Variants in NDUFAF2 observed in about 807,000 individuals in gnomAD.
NDUFAF2 encodes the protein NADH dehydrogenase [ubiquinone] 1 alpha subcomplex assembly factor 2.
Under a neutral mutation model 22.8 loss-of-function variants are expected in NDUFAF2, and 13 were observed. The ratio of observed to expected loss-of-function variants is 0.57; its 90% confidence interval spans 0.37 to 0.91. The LOEUF (loss-of-function observed/expected upper bound fraction) is 0.91, where lower values mean the gene tolerates loss of function less well. NDUFAF2 is among the 40% of genes least tolerant of loss of function. The probability of loss-of-function intolerance (pLI) is 0.01; values close to 1 mark genes in which losing one functional copy is unlikely to be tolerated. For synonymous variants in NDUFAF2, 53 were observed against 64.2 expected (o/e 0.83, Z 0.84); for missense variants, 162 against 195.2 (o/e 0.83, Z 1.01).
rs190930000 is a variant in NDUFAF2, at chr5:61,016,046, C to T, written c.128-57079C>T. ...ACAAAAAATACAAAAATTAGCTGGG[C>T]GTGGTGGTGCACGCCTTCAATCCCA... On this transcript the variant is annotated intron_variant, in intron 1 of 3. Transcript: ENST00000296597. 7.2e-3 allele frequency among the ~76,000 whole-genome samples: 1,099 copies of T among 152,002 alleles called. 10 individuals are homozygous for T. Among genetic ancestry groups the T allele is most frequent in the African/African-American group, 0.025 (1,056 of 41,464 alleles).
At chr5:61,008,889 G>A (rs1751407438) in intron 1 of NDUFAF2, among the ~76,000 whole-genome samples, 1 of 151,970 alleles carries the variant, frequency 6.6e-6, no homozygotes, top group Admixed American at 6.6e-5. Flanking sequence ...GGCTTTTTAT[G>A]AACTAACCGC....
chr5:61,004,871 A>G (rs532422746), intron 1 of NDUFAF2, among the ~76,000 whole-genome samples: 1 of 152,214 alleles, frequency 6.6e-6, no homozygotes, highest in East Asian at 1.9e-4. Context: ...ACTAAATCCT[A>G]TATGGCTATA....
chr5:61,101,857 T>C (rs967731052), intron 3 of NDUFAF2, among the ~76,000 whole-genome samples: 6 of 152,122 alleles, frequency 3.9e-5, no homozygotes, highest in African/African-American at 1.4e-4. Flanking sequence ...GAAGTATCTG[T>C]TCATGGATTG....
intron 1 of NDUFAF2, 143 bp downstream of exon 1, chr5:60,945,525 C>T: frequency 8.2e-7 from 1 of 1,214,576 alleles, no homozygotes; most frequent in Non-Finnish European, 1.2e-6. Flanking sequence ...TTCGTTCTCC[C>T]CTGTCGACCC....
chr5:61,010,079 C>G (rs998400496), intron 1 of NDUFAF2, among the ~76,000 whole-genome samples: 3 of 152,076 alleles, frequency 2.0e-5, no homozygotes, highest in African/African-American at 7.2e-5. Flanking sequence ...TCTCTATCCT[C>G]AGTACCTCTA....
intron 1 of NDUFAF2, among the ~76,000 whole-genome samples, chr5:61,041,448 A>G (rs1322542929): frequency 1.3e-5 from 2 of 152,108 alleles, no homozygotes; most frequent in East Asian, 3.8e-4. Context: ...TTAATACACA[A>G]AGATTCCCAG....
chr5:61,042,280 A>G (rs144850919), intron 1 of NDUFAF2, among the ~76,000 whole-genome samples: 83 of 152,270 alleles, frequency 5.5e-4, no homozygotes, highest in African/African-American at 1.9e-3. Context: ...ATTATGGTAC[A>G]TTTACACAAT....
At chr5:61,148,160 A>C (rs757559969) in intron 3 of NDUFAF2, among the ~76,000 whole-genome samples, 17 of 152,144 alleles carry the variant, frequency 1.1e-4, no homozygotes, top group Non-Finnish European at 1.3e-4. Flanking sequence ...AACCATCTCT[A>C]TCTCTCCATA....
At chr5:61,052,602 G>A (rs1447899515) in intron 1 of NDUFAF2, among the ~76,000 whole-genome samples, 30 of 152,140 alleles carry the variant, frequency 2.0e-4, no homozygotes, top group Non-Finnish European at 2.9e-5. Context: ...GAACCACTGC[G>A]ACTGGCATAT....
At chr5:60,945,566 C>T in intron 1 of NDUFAF2, 184 bp downstream of exon 1, 2 of 935,668 alleles carry the variant, frequency 2.1e-6, no homozygotes, top group Admixed American at 4.1e-5. Flanking sequence ...CCTACCCGGC[C>T]CGGCTCTGGG....
At chr5:61,148,016 C>G (rs573730454) in intron 3 of NDUFAF2, among the ~76,000 whole-genome samples, 6 of 152,168 alleles carry the variant, frequency 3.9e-5, no homozygotes, top group African/African-American at 1.4e-4. Flanking sequence ...AGTTTCACCG[C>G]GCACATGGAC....
At chr5:60,992,205 T>C (rs1751167813) in intron 1 of NDUFAF2, among the ~76,000 whole-genome samples, 1 of 152,230 alleles carries the variant, frequency 6.6e-6, no homozygotes, top group South Asian at 2.1e-4. Context: ...TAATCCCTTG[T>C]CAGATGGGTA....
chr5:61,107,594 G>A (rs1752783144), intron 3 of NDUFAF2, among the ~76,000 whole-genome samples: 2 of 151,136 alleles, frequency 1.3e-5, no homozygotes, highest in East Asian at 1.9e-4. Context: ...AACTTGATGT[G>A]ACCCCATTTG....
intron 1 of NDUFAF2, among the ~76,000 whole-genome samples, chr5:61,012,929 A>C (rs1002600888): frequency 5.9e-5 from 9 of 152,090 alleles, no homozygotes; most frequent in Admixed American, 4.6e-4. Flanking sequence ...TTTTCAATTA[A>C]TTGTTTTGAA....
At chr5:61,151,162 AT>A (rs1337228730) in intron 3 of NDUFAF2, among the ~76,000 whole-genome samples, 1 of 152,212 alleles carries the variant, frequency 6.6e-6, no homozygotes, top group African/African-American at 2.4e-5. Context: ...ACAAACTATT[AT>A]TTTAAATGTT....
chr5:61,107,665 C>CTATTATTAT (rs56936586), intron 3 of NDUFAF2, among the ~76,000 whole-genome samples: 11 of 148,836 alleles, frequency 7.4e-5, no homozygotes, highest in South Asian at 4.2e-4. Context: ...ATTATGATTA[C>CTATTATTAT]TATTATTATT....
intron 3 of NDUFAF2, among the ~76,000 whole-genome samples, chr5:61,110,665 T>C (rs1448745316): frequency 1.3e-5 from 2 of 152,058 alleles, no homozygotes; most frequent in Non-Finnish European, 2.9e-5. Flanking sequence ...TATTGTAATG[T>C]CTCCTTTTTC....
At chr5:61,094,235 G>A (rs577736569) in intron 2 of NDUFAF2, among the ~76,000 whole-genome samples, 3 of 152,156 alleles carry the variant, frequency 2.0e-5, no homozygotes, top group East Asian at 1.9e-4. Context: ...CAGAAAGACC[G>A]TTTTCAAACT....
chr5:61,030,011 C>T (rs1751702539), intron 1 of NDUFAF2, among the ~76,000 whole-genome samples: 1 of 152,050 alleles, frequency 6.6e-6, no homozygotes, highest in South Asian at 2.1e-4. Context: ...GTATTAGCGC[C>T]TGGACACCAG....
Sources: gnomAD v4.1 joint callset for allele counts (sites outside exome capture counted in the v4.1 genomes callset) on GRCh38, gnomAD v4.1.1 for gene constraint, MANE v1.5 for transcripts, NCBI Gene and HGNC (gene_info 2026-07-23, HGNC 2026-07-21) for gene names.